ATP8A2: variants seen among roughly 807,000 people sequenced by gnomAD.
ATP8A2 encodes ATPase phospholipid transporting 8A2.
In ATP8A2, 100 loss-of-function variants were observed where a neutral mutation model predicts 165.6. That is an observed-to-expected ratio of 0.60 (90% CI 0.51 to 0.71). ATP8A2 has a LOEUF of 0.71. ATP8A2 is among the 30% of genes least tolerant of loss of function. The pLI is 0.00. For synonymous variants in ATP8A2, 543 were observed against 548.8 expected, an observed-to-expected ratio of 0.99 and a Z score of 0.15; for missense variants, 1,227 against 1,479.5, an observed-to-expected ratio of 0.83 and a Z score of 2.80.
At chr13:25,693,174 A>G (rs1275966331) in intron 24 of ATP8A2, among the ~76,000 whole-genome samples, 1 of 152,194 alleles carries the variant, frequency 6.6e-6, no homozygotes, top group Non-Finnish European at 1.5e-5. Flanking sequence ...AATTTGTAAC[A>G]TCGTTCCTCT....
At chr13:26,003,113 A>G (rs1288764833) in intron 35 of ATP8A2, among the ~76,000 whole-genome samples, 1 of 151,736 alleles carries the variant, frequency 6.6e-6, no homozygotes, top group Non-Finnish European at 1.5e-5. Context: ...ACTGTTTTCC[A>G]TAGTAGCTAT....
chr13:25,699,316 A>G lies in ATP8A2; in HGVS notation c.2355A>G (p.Ala785=). The change falls in exon 25 of 37, where the codon GCA becomes GCG. Residue 785 remains alanine (A), a synonymous_variant. Transcript: ENST00000381655. ...FEVRRSFLDL[A]LSCKAVICCR... ...TCCGGAGGAGTTTCCTGGATTTGGC[A>G]CTCTCGTGCAAAGCGGTCATATGCT... 6.2e-7 allele frequency: 1 copy of G among 1,613,258 alleles called. No individual in the cohort carries two copies. The highest frequency in any genetic ancestry group is 8.5e-7 in the Non-Finnish European group (1 of 1,179,610).
At chr13:25,432,306 G>A (rs1214514073) in intron 1 of ATP8A2, among the ~76,000 whole-genome samples, 1 of 152,182 alleles carries the variant, frequency 6.6e-6, no homozygotes. Flanking sequence ...GTCCTTGTGT[G>A]TCCACGTGTT....
intron 24 of ATP8A2, among the ~76,000 whole-genome samples, chr13:25,598,855 T>C (rs2040305923): frequency 6.6e-6 from 1 of 152,316 alleles, no homozygotes; most frequent in Non-Finnish European, 1.5e-5. Flanking sequence ...TTTTAAAGAA[T>C]ATTGTGTTTT....
intron 27 of ATP8A2, among the ~76,000 whole-genome samples, chr13:25,808,154 G>A (rs1950783109): frequency 6.7e-6 from 1 of 149,388 alleles, no homozygotes; most frequent in Admixed American, 6.7e-5. Context: ...TTTTGAGACA[G>A]GGTCTTGCTG....
chr13:25,838,051 C>T (rs2138652659), intron 29 of ATP8A2, among the ~76,000 whole-genome samples: 1 of 152,284 alleles, frequency 6.6e-6, no homozygotes, highest in African/African-American at 2.4e-5. Context: ...CATGGCTGCA[C>T]GGCCTTGTTT....
At chr13:25,653,889 A>C (rs748869265) in intron 24 of ATP8A2, among the ~76,000 whole-genome samples, 1 of 152,066 alleles carries the variant, frequency 6.6e-6, no homozygotes, top group Non-Finnish European at 1.5e-5. Context: ...TTTCAGAGTG[A>C]AGAGGTGTGA....
chr13:25,466,434 C>G (rs922522216), intron 1 of ATP8A2, among the ~76,000 whole-genome samples: 9 of 152,160 alleles, frequency 5.9e-5, no homozygotes, highest in Non-Finnish European at 1.3e-4. Context: ...CACCACCTGC[C>G]CTCCCAGCAC....
At chr13:25,469,181 G>C (rs2035766810) in intron 2 of ATP8A2, 60 bp downstream of exon 2, 2 of 1,580,588 alleles carry the variant, frequency 1.3e-6, no homozygotes, top group South Asian at 1.1e-5. Context: ...GAAGGGGCTC[G>C]TCCTCCTGCG....
intron 2 of ATP8A2, among the ~76,000 whole-genome samples, chr13:25,523,154 A>C (rs1451707505): frequency 2.0e-5 from 3 of 151,454 alleles, no homozygotes; most frequent in Non-Finnish European, 4.4e-5. Context: ...ATCTATGTTC[A>C]TCAGTGATAT....
chr13:25,668,176 T>G lies in ATP8A2; in HGVS notation c.2212-30997T>G, dbSNP rs529570132. Among the ~76,000 whole-genome samples, 8 of 152,312 alleles carry G rather than the reference T, an allele frequency of 5.3e-5. No homozygotes were observed. The South Asian group carries it at 1.7e-3, about 32-fold the overall frequency. ...GCTTTGAGTTCCTATGAAATGTCCT[T>G]TCCTCTCAGCCTGAAGTATTTCTCT... On this transcript the variant is annotated intron_variant, in intron 24 of 36. Transcript: ENST00000381655.
intron 2 of ATP8A2, among the ~76,000 whole-genome samples, chr13:25,529,592 G>C (rs1469040576): frequency 1.3e-5 from 2 of 152,252 alleles, no homozygotes; most frequent in South Asian, 2.1e-4. Context: ...ATCAAATAAA[G>C]GGTGTGTGGA....
chr13:26,013,682 A>AG lies in ATP8A2; in HGVS notation c.3469+1060_3469+1061insG, dbSNP rs1339451358. ...AGAGCGAAACTTGGTCTCAAAAAAA[A>AG]AAAAAAAGAAAGAAAGAAAGAGACA... On this transcript the variant is annotated intron_variant, in intron 36 of 36. Transcript: ENST00000381655. 1.6e-3 allele frequency among the ~76,000 whole-genome samples: 74 copies of AG among 46,112 alleles called. 1 individual carries two copies. Among genetic ancestry groups the AG allele is most frequent in the South Asian group, 6.7e-3 (4 of 594 alleles). 30.3% of individuals were successfully genotyped at this position (46,112 alleles called of 152,430 possible).
At chr13:25,954,193 A>C (rs1955459011) in intron 33 of ATP8A2, among the ~76,000 whole-genome samples, 1 of 152,190 alleles carries the variant, frequency 6.6e-6, no homozygotes, top group South Asian at 2.1e-4. Flanking sequence ...ACCATTACTA[A>C]GGCTTGAGTA....
intron 4 of ATP8A2, among the ~76,000 whole-genome samples, chr13:25,531,674 T>C (rs2038118981): frequency 1.3e-5 from 2 of 152,016 alleles, no homozygotes; most frequent in Admixed American, 1.3e-4. Context: ...CATGCCGACA[T>C]GATGCCACAA....
At chr13:25,413,448 AT>A (rs2034036933) in intron 1 of ATP8A2, among the ~76,000 whole-genome samples, 1 of 150,956 alleles carries the variant, frequency 6.6e-6, no homozygotes, top group South Asian at 2.1e-4. Context: ...CACCTAGCTA[AT>A]TTTTGTATTT....
At chr13:25,639,500 CAAAG>C (rs893185136) in intron 24 of ATP8A2, among the ~76,000 whole-genome samples, 1 of 152,082 alleles carries the variant, frequency 6.6e-6, no homozygotes, top group African/African-American at 2.4e-5. Context: ...TCGAAAGAGA[CAAAG>C]AAGGCCATTG....
At chr13:25,820,377 G>A (rs981130709) in intron 27 of ATP8A2, among the ~76,000 whole-genome samples, 1 of 152,188 alleles carries the variant, frequency 6.6e-6, no homozygotes, top group African/African-American at 2.4e-5. Flanking sequence ...CACCAAGTCT[G>A]AGGCCATCCT....
chr13:25,535,977 CT>C (rs1190349047), intron 6 of ATP8A2, among the ~76,000 whole-genome samples: 1 of 152,072 alleles, frequency 6.6e-6, no homozygotes, highest in South Asian at 2.1e-4. Context: ...TATCCTCCCA[CT>C]TTGAATTTAA....
Sources: gnomAD v4.1 joint callset for allele counts (sites outside exome capture counted in the v4.1 genomes callset) on GRCh38, gnomAD v4.1.1 for gene constraint, MANE v1.5 for transcripts, NCBI Gene and HGNC (gene_info 2026-07-23, HGNC 2026-07-21) for gene names.